Variants in NELL1 observed in about 807,000 individuals in gnomAD.
NELL1 encodes neural EGFL like 1.
In NELL1, 76 loss-of-function variants were observed where a neutral mutation model predicts 107.4. That is an observed-to-expected ratio of 0.71 (90% CI 0.59 to 0.86). NELL1 has a LOEUF of 0.86. Ranked by LOEUF, NELL1 falls within the 40% of genes least tolerant of loss-of-function variation. NELL1 has a pLI of 0.00. For synonymous variants in NELL1, 353 were observed against 341.2 expected (o/e 1.03, Z -0.38); for missense variants, 1,024 against 1,005.5 (o/e 1.02, Z -0.25).
intron 13 of NELL1, among the ~76,000 whole-genome samples, chr11:21,118,877 A>G (rs898277272): frequency 6.6e-6 from 1 of 152,086 alleles, no homozygotes; most frequent in African/African-American, 2.4e-5. Flanking sequence ...CTATTCAACC[A>G]AAAATAGGAA....
intron 3 of NELL1, among the ~76,000 whole-genome samples, chr11:20,802,445 T>A (rs1255843298): frequency 6.6e-6 from 1 of 152,066 alleles, no homozygotes; most frequent in East Asian, 1.9e-4. Flanking sequence ...ACTGAATTTG[T>A]TTATCAGTTC....
At chr11:21,356,176 A>G (rs1001216333) in intron 14 of NELL1, among the ~76,000 whole-genome samples, 2 of 152,124 alleles carry the variant, frequency 1.3e-5, no homozygotes, top group Non-Finnish European at 2.9e-5. Flanking sequence ...ATAAGAATAT[A>G]AACATTTATT....
At chr11:20,955,231 A>C (rs2134207715) in intron 11 of NELL1, among the ~76,000 whole-genome samples, 1 of 152,302 alleles carries the variant, frequency 6.6e-6, no homozygotes, top group African/African-American at 2.4e-5. Flanking sequence ...CAGAGGTTTC[A>C]GATTTCCAGC....
chr11:20,714,003 G>C (rs946024837), intron 2 of NELL1, among the ~76,000 whole-genome samples: 1 of 151,984 alleles, frequency 6.6e-6, no homozygotes, highest in Non-Finnish European at 1.5e-5. Context: ...CGGGAACTCA[G>C]TTTTTTGTCT....
chr11:21,036,896 G>T (rs115353479), intron 12 of NELL1, among the ~76,000 whole-genome samples: 3 of 151,790 alleles, frequency 2.0e-5, no homozygotes, highest in Admixed American at 2.0e-4. Flanking sequence ...TTTATGACAC[G>T]TATTAGATAA....
chr11:21,312,482 G>A (rs1849770433), intron 14 of NELL1, among the ~76,000 whole-genome samples: 1 of 152,012 alleles, frequency 6.6e-6, no homozygotes, highest in Non-Finnish European at 1.5e-5. Flanking sequence ...GAGGAAAATA[G>A]CAACTGCCAT....
intron 14 of NELL1, among the ~76,000 whole-genome samples, chr11:21,364,410 C>CAAAAAAAA (rs71034511): frequency 6.6e-5 from 5 of 75,636 alleles, no homozygotes; most frequent in African/African-American, 3.8e-4. Flanking sequence ...GACTCTGTCT[C>CAAAAAAAA]AAAAAAAAAA....
At chr11:21,240,255 T>C (rs1858318446) in intron 14 of NELL1, among the ~76,000 whole-genome samples, 1 of 152,098 alleles carries the variant, frequency 6.6e-6, no homozygotes, top group African/African-American at 2.4e-5. Context: ...GTTAACATGA[T>C]TATTAACTGC....
chr11:21,417,505 C>A (rs1438844851), intron 15 of NELL1, among the ~76,000 whole-genome samples: 1 of 151,634 alleles, frequency 6.6e-6, no homozygotes, highest in African/African-American at 2.4e-5. Flanking sequence ...TTGTTTGTCT[C>A]TCAAACATGA....
At chr11:20,896,637 C>A (rs144857357) in intron 5 of NELL1, among the ~76,000 whole-genome samples, 4 of 152,054 alleles carry the variant, frequency 2.6e-5, no homozygotes, top group African/African-American at 9.7e-5. Flanking sequence ...TGTTTGCAGA[C>A]GACATGATTG....
intron 10 of NELL1, 146 bp from the exon 11 acceptor site, chr11:20,947,190 G>T: frequency 1.7e-6 from 1 of 596,880 alleles, no homozygotes; most frequent in Non-Finnish European, 3.0e-6. Context: ...TTTAATTTGT[G>T]GCATTATCGT....
chr11:21,248,962 C>A (rs544788597), intron 14 of NELL1, among the ~76,000 whole-genome samples: 1 of 152,160 alleles, frequency 6.6e-6, no homozygotes, highest in African/African-American at 2.4e-5. Context: ...AGGAGGAAGC[C>A]AACAGAGAGA....
At chr11:21,312,376 T>C (rs1408083830) in intron 14 of NELL1, among the ~76,000 whole-genome samples, 3 of 152,194 alleles carry the variant, frequency 2.0e-5, no homozygotes, top group East Asian at 3.9e-4. Context: ...TTTTCTTTAT[T>C]TTTGGAATGA....
At chr11:21,253,942 G>C (rs1411637198) in intron 14 of NELL1, among the ~76,000 whole-genome samples, 2 of 152,078 alleles carry the variant, frequency 1.3e-5, no homozygotes. Flanking sequence ...GAAGGACTAG[G>C]AAGGTTTGAA....
intron 13 of NELL1, among the ~76,000 whole-genome samples, chr11:21,215,299 G>C (rs780186023): frequency 6.6e-6 from 1 of 152,128 alleles, no homozygotes; most frequent in Non-Finnish European, 1.5e-5. Context: ...AGTTTCCTGA[G>C]GCCTTCTCAG....
chr11:20,754,952 A>G (rs751970862), intron 2 of NELL1, among the ~76,000 whole-genome samples: 1 of 152,198 alleles, frequency 6.6e-6, no homozygotes, highest in Non-Finnish European at 1.5e-5. Context: ...GCTGACAAAA[A>G]TAGAAGAACC....
At chr11:20,851,999 C>A (rs1006830054) in intron 4 of NELL1, among the ~76,000 whole-genome samples, 6 of 152,204 alleles carry the variant, frequency 3.9e-5, no homozygotes, top group Non-Finnish European at 8.8e-5. Context: ...TGGAGCTGAG[C>A]TCCTCAGCAG....
chr11:20,930,805 T>G (rs990164399), intron 9 of NELL1, among the ~76,000 whole-genome samples: 13 of 118,802 alleles, frequency 1.1e-4, no homozygotes, highest in Admixed American at 3.9e-4. Context: ...AAAACATCAG[T>G]TTTTTTTTTT....
intron 2 of NELL1, among the ~76,000 whole-genome samples, chr11:20,708,198 A>G (rs946478982): frequency 6.6e-5 from 10 of 152,356 alleles, no homozygotes; most frequent in African/African-American, 2.2e-4. Context: ...GTTGGAAAGC[A>G]CAGTATTAGG....
Sources: allele counts gnomAD v4.1 joint callset (sites outside exome capture counted in the v4.1 genomes callset), GRCh38; gene constraint gnomAD v4.1.1; transcripts MANE v1.5; gene names NCBI Gene and HGNC (gene_info 2026-07-23, HGNC 2026-07-21).